The following NTRK3 variants were observed in gnomAD, a reference collection of about 807,000 sequenced individuals.
NTRK3 encodes NT-3 growth factor receptor.
A neutral mutation model predicts 91.7 loss-of-function variants in NTRK3; 24 were observed. The ratio of observed to expected loss-of-function variants is 0.26; its 90% CI spans 0.19 to 0.37. The LOEUF (loss-of-function observed/expected upper bound fraction) is 0.37, where lower values mean the gene tolerates loss of function less well. Among genes scored for constraint, NTRK3 ranks in the 10% least tolerant of loss-of-function variants. NTRK3 has a pLI of 1.00. For missense variants in NTRK3, 880 were observed against 1,068.9 expected (o/e 0.82, Z 2.46); for synonymous variants, 483 against 404.0 (o/e 1.20, Z -2.34).
intron 14 of NTRK3, among the ~76,000 whole-genome samples, chr15:88,023,282 G>A (rs965057423): frequency 2.0e-5 from 3 of 152,116 alleles, no homozygotes; most frequent in Non-Finnish European, 4.4e-5. Flanking sequence ...TTTCTACAAA[G>A]AAAGAATACT....
At chr15:87,929,965 G>A (rs557068432) in intron 16 of NTRK3, among the ~76,000 whole-genome samples, 10 of 152,288 alleles carry the variant, frequency 6.6e-5, no homozygotes, top group African/African-American at 2.2e-4. Context: ...TAAAAAGTGA[G>A]CTTCTAAAAG....
At chr15:88,010,300 T>C (rs761838226) in intron 14 of NTRK3, among the ~76,000 whole-genome samples, 1 of 152,206 alleles carries the variant, frequency 6.6e-6, no homozygotes, top group Non-Finnish European at 1.5e-5. Flanking sequence ...TTTCTTTTCT[T>C]TCTCTAAAAC....
intron 14 of NTRK3, among the ~76,000 whole-genome samples, chr15:88,025,885 AGAGGTG>A (rs1378603634): frequency 1.3e-5 from 2 of 152,194 alleles, no homozygotes; most frequent in Non-Finnish European, 2.9e-5. Context: ...CTTGAACCCG[AGAGGTG>A]GAGGCTGCAG....
intron 14 of NTRK3, among the ~76,000 whole-genome samples, chr15:88,025,737 G>A (rs1467438604): frequency 6.6e-6 from 1 of 152,196 alleles, no homozygotes. Context: ...TCTGTTGTTT[G>A]GGGCCACCCA....
chr15:88,016,615 A>G (rs929200462), intron 14 of NTRK3, among the ~76,000 whole-genome samples: 1 of 152,186 alleles, frequency 6.6e-6, no homozygotes, highest in African/African-American at 2.4e-5. Context: ...GCCTCTCACC[A>G]TTTACATTCC....
At chr15:88,125,189 G>A (rs963739937) in intron 13 of NTRK3, among the ~76,000 whole-genome samples, 2 of 152,180 alleles carry the variant, frequency 1.3e-5, no homozygotes, top group African/African-American at 4.8e-5. Flanking sequence ...TTTTCAAGGA[G>A]TTACAGAGGT....
intron 13 of NTRK3, among the ~76,000 whole-genome samples, chr15:88,039,047 C>T (rs1385092369): frequency 1.3e-5 from 2 of 150,948 alleles, no homozygotes; most frequent in Admixed American, 6.6e-5. Flanking sequence ...CAGCTTTCTT[C>T]TATTTTCTTG....
At position 88,234,698 on chromosome 15, in the gene NTRK3, T is replaced by G. The variant is rs545142733; in HGVS notation, c.248+21208A>C. ...CTTGTGCTTCTTTCTCCAACACATT[T>G]ATTACACCCATCACTTCAGCTGTAA... On this transcript the variant is annotated intron_variant, in intron 3 of 18. Coordinates refer to ENST00000394480, the Ensembl canonical transcript of NTRK3. The surrounding 1 kb of genome is among the most constrained non-coding windows in gnomAD (Gnocchi z 6.1). Among the ~76,000 whole-genome samples the G allele has an allele frequency of 6.6e-5, 10 of 152,280 alleles. No homozygotes were observed. Among genetic ancestry groups the G allele is most frequent in the Admixed American group, 6.5e-4 (10 of 15,298 alleles).
chr15:87,980,889 A>C (rs2074199711), intron 14 of NTRK3, among the ~76,000 whole-genome samples: 2 of 152,136 alleles, frequency 1.3e-5, no homozygotes, highest in African/African-American at 4.8e-5. Context: ...CCCTGACCCC[A>C]GATAAAGGTT....
At chr15:87,899,368 C>G (rs1422550549) in intron 17 of NTRK3, among the ~76,000 whole-genome samples, 2 of 151,120 alleles carry the variant, frequency 1.3e-5, no homozygotes, top group African/African-American at 2.4e-5. Context: ...AGGAGACCCA[C>G]CCCTCCTTTC....
At chr15:88,169,068 C>T (rs954842279) in intron 5 of NTRK3, among the ~76,000 whole-genome samples, 1 of 152,144 alleles carries the variant, frequency 6.6e-6, no homozygotes, top group East Asian at 1.9e-4. Context: ...ATGGGGGTAT[C>T]GAGGGAAGCG....
chr15:88,183,450 T>C, exon 5 of NTRK3: 2 of 1,614,018 alleles, frequency 1.2e-6, no homozygotes, highest in Non-Finnish European at 1.7e-6. Context: ...TGGCAAAGGC[T>C]CTGGGCTGAA....
At chr15:88,070,185 G>C (rs1298291132) in intron 13 of NTRK3, among the ~76,000 whole-genome samples, 5 of 152,156 alleles carry the variant, frequency 3.3e-5, no homozygotes, top group Admixed American at 3.3e-4. Context: ...AAACGAATGA[G>C]AAGAGGAGAA....
chr15:88,024,535 T>TGAGGGGCCAAGA (rs1289067560), intron 14 of NTRK3, among the ~76,000 whole-genome samples: 1 of 151,202 alleles, frequency 6.6e-6, no homozygotes, highest in Admixed American at 6.6e-5. Context: ...GTCATGAGAG[T>TGAGGGGCCAAGA]GAGGGGCCAA....
At position 87,936,809 on chromosome 15, in the gene NTRK3, T is replaced by C. The variant is rs535276634; in HGVS notation, c.1717-3625A>G. On this transcript the variant is annotated intron_variant, in intron 15 of 18. Transcript: ENST00000394480. The stretch of plus-strand genomic sequence containing the variant: ...CACACAACTTTACCAGGAAAGAAGA[T>C]GGGTAGTTATTACATACAGGGGTGC... Among the ~76,000 whole-genome samples, 3 of 152,272 alleles carry C rather than the reference T, an allele frequency of 2.0e-5. No individual in the cohort carries two copies. The East Asian group carries it at 5.8e-4, about 29-fold the overall frequency.
intron 14 of NTRK3, among the ~76,000 whole-genome samples, chr15:88,015,995 C>T (rs1311210557): frequency 1.3e-5 from 2 of 151,244 alleles, no homozygotes; most frequent in Admixed American, 1.3e-4. Context: ...ATTATGAAAC[C>T]GTATGCAGAA....
Position 88,208,949 on chromosome 15 carries a change from C to T in NTRK3, c.249-24650G>A, listed in dbSNP as rs187961435. ...TCATTGCCTGCAATGTGCCAAGCAT[C>T]GTGCCCTGAGTGAGGCATTGGACAT... On this transcript the variant is annotated intron_variant, in intron 3 of 18. Coordinates refer to ENST00000394480, the Ensembl canonical transcript of NTRK3. Among the ~76,000 whole-genome samples, 234 of 152,226 alleles carry T rather than the reference C, an allele frequency of 1.5e-3. 5 individuals carry two copies. The highest frequency in any genetic ancestry group is 3.1e-3 in the East Asian group (16 of 5,186).
At chr15:87,962,001 G>A (rs1274662919) in intron 14 of NTRK3, among the ~76,000 whole-genome samples, 1 of 152,196 alleles carries the variant, frequency 6.6e-6, no homozygotes, top group Non-Finnish European at 1.5e-5. Flanking sequence ...AGATAGGAAG[G>A]GCCAGCACCC....
intron 13 of NTRK3, among the ~76,000 whole-genome samples, chr15:88,067,916 T>C (rs936316942): frequency 2.6e-5 from 4 of 152,224 alleles, no homozygotes; most frequent in African/African-American, 9.6e-5. Flanking sequence ...GCTCTTCACA[T>C]GTTGTTATTA....
Sources: allele counts gnomAD v4.1 joint callset (sites outside exome capture counted in the v4.1 genomes callset), GRCh38; gene constraint gnomAD v4.1.1; non-coding constraint Gnocchi (gnomAD v3.1); transcripts MANE v1.5; gene names NCBI Gene and HGNC (gene_info 2026-07-23, HGNC 2026-07-21).